KSR1: variants seen among roughly 807,000 people sequenced by gnomAD.
KSR1 encodes the protein kinase suppressor of ras 1.
In KSR1, 35 loss-of-function variants were observed where a neutral mutation model predicts 92.9. The ratio of observed to expected loss-of-function variants is 0.38; its 90% CI spans 0.29 to 0.50. KSR1 has a LOEUF of 0.50. Among genes scored for constraint, KSR1 ranks in the 20% least tolerant of loss-of-function variants. The probability of loss-of-function intolerance (pLI) is 0.94; values close to 1 mark genes in which losing one functional copy is unlikely to be tolerated. For missense variants in KSR1, 972 were observed against 1,158.5 expected, an observed-to-expected ratio of 0.84 and a Z score of 2.34; for synonymous variants, 467 against 472.6, an observed-to-expected ratio of 0.99 and a Z score of 0.15.
At chr17:27,604,598 A>G in intron 12 of KSR1, 82 bp from the exon 13 acceptor site, 1 of 1,381,698 alleles carries the variant, frequency 7.2e-7, no homozygotes. Flanking sequence ...CCTTTGTCTC[A>G]GATCTCTCCC....
intron 10 of KSR1, among the ~76,000 whole-genome samples, chr17:27,598,609 T>G (rs1361912423): frequency 6.6e-6 from 1 of 152,226 alleles, no homozygotes; most frequent in African/African-American, 2.4e-5. Context: ...CCTCTCCCAT[T>G]CTGCTCTGTC....
chr17:27,540,583 G>A (rs1319392774), intron 1 of KSR1, among the ~76,000 whole-genome samples: 1 of 152,226 alleles, frequency 6.6e-6, no homozygotes, highest in Non-Finnish European at 1.5e-5. Context: ...GTGCGGGTAT[G>A]GGCCGGGCCG....
At chr17:27,502,453 A>G (rs1005256744) in intron 1 of KSR1, among the ~76,000 whole-genome samples, 4 of 152,184 alleles carry the variant, frequency 2.6e-5, no homozygotes, top group Non-Finnish European at 5.9e-5. Context: ...ATGTCTTAAA[A>G]TATGACATTT....
In KSR1 at chr17:27,577,521, C is replaced by T; in HGVS notation, c.402C>T (p.Ala134=). 4.4e-6 allele frequency: 7 copies of T among 1,599,200 alleles called. No individual in the cohort carries two copies. The highest frequency in any genetic ancestry group is 6.0e-6 in the Non-Finnish European group (7 of 1,175,670). The change falls in exon 3 of 21, where the codon GCC becomes GCT. Residue 134 remains alanine, a synonymous_variant. Coordinates refer to ENST00000644974, the MANE Select transcript of KSR1 (RefSeq NM_001394583.1). This position sits in a 1 kb window ranked among gnomAD's most constrained non-coding sequence, Gnocchi z 4.5. The part of the protein sequence containing the change: ...QEIPRDLTLD[A]LLEMNEAKVK... ...TCCCCCGAGACCTCACGCTGGATGCCCTGCTGGAGATGAATGAGGCCAAGG... is the reference window on the plus strand; with the variant it reads ...TCCCCCGAGACCTCACGCTGGATGCTCTGCTGGAGATGAATGAGGCCAAGG...
intron 1 of KSR1, among the ~76,000 whole-genome samples, chr17:27,549,243 G>T (rs76288847): frequency 3.9e-5 from 6 of 152,198 alleles, no homozygotes; most frequent in African/African-American, 1.2e-4. Context: ...ATTTTGGGGG[G>T]ACACTTGGAA....
chr17:27,592,315 C>T (rs1275449419), intron 7 of KSR1, 46 bp from the exon 8 acceptor site: 2 of 1,513,258 alleles, frequency 1.3e-6, no homozygotes, highest in Non-Finnish European at 1.8e-6. Context: ...TGTGCCTGAG[C>T]CCCCCCATGT....
intron 2 of KSR1, among the ~76,000 whole-genome samples, chr17:27,568,182 C>T (rs894514792): frequency 1.3e-5 from 2 of 152,226 alleles, no homozygotes; most frequent in African/African-American, 4.8e-5. Flanking sequence ...CCTAGTTGGA[C>T]CCCCATGGGG....
intron 1 of KSR1, among the ~76,000 whole-genome samples, chr17:27,466,237 G>A (rs2019688151): frequency 6.6e-6 from 1 of 152,196 alleles, no homozygotes; most frequent in African/African-American, 2.4e-5. Context: ...TAAGTTTTAG[G>A]TTTTTATGAA....
intron 10 of KSR1, among the ~76,000 whole-genome samples, chr17:27,600,611 G>A (rs960678617): frequency 3.3e-5 from 5 of 152,010 alleles, no homozygotes; most frequent in South Asian, 2.1e-4. Context: ...ATTATTTCCC[G>A]CCAGCGTCAC....
At chr17:27,564,138 G>A (rs961255902) in intron 2 of KSR1, among the ~76,000 whole-genome samples, 14 of 151,940 alleles carry the variant, frequency 9.2e-5, no homozygotes, top group African/African-American at 2.9e-4. Context: ...ACAGATACCC[G>A]TCACCACACC....
At chr17:27,489,465 G>A (rs1392073737) in intron 1 of KSR1, among the ~76,000 whole-genome samples, 2 of 152,248 alleles carry the variant, frequency 1.3e-5, no homozygotes, top group African/African-American at 4.8e-5. Flanking sequence ...TTCTTTGCTT[G>A]CTCCATCTGC....
chr17:27,507,843 G>T (rs902052429), intron 1 of KSR1, among the ~76,000 whole-genome samples: 1 of 152,078 alleles, frequency 6.6e-6, no homozygotes, highest in Admixed American at 6.5e-5. Context: ...CCAAAGTGCT[G>T]GGATTACAGG....
At position 27,617,349 on chromosome 17, in the gene KSR1, C is replaced by T. The variant is rs779588001; in HGVS notation, c.2548C>T (p.Leu850=). Residue 850 remains leucine (L), a synonymous_variant, in exon 19 of 21, where the codon CTG becomes TTG. Transcript: ENST00000644974. The part of the protein sequence containing the change: ...FDLQERPSFS[L]LMDMLEKLPK... ...CCTGCAGGAGAGACCCAGCTTCAGCCTGCTGATGGACATGCTGGAGAAACT... is the reference window on the plus strand; with the variant it reads ...CCTGCAGGAGAGACCCAGCTTCAGCTTGCTGATGGACATGCTGGAGAAACT... The T allele has an allele frequency of 3.7e-6, 6 of 1,612,786 alleles. No homozygotes were observed. The South Asian group carries it at 5.5e-5, about 15-fold the overall frequency.
chr17:27,467,965 T>C (rs1254835274), intron 1 of KSR1, among the ~76,000 whole-genome samples: 3 of 151,736 alleles, frequency 2.0e-5, no homozygotes, highest in Non-Finnish European at 4.4e-5. Flanking sequence ...GTGCCTGCCA[T>C]TATGCCCGGC....
chr17:27,495,772 C>T (rs1052841713), intron 1 of KSR1, among the ~76,000 whole-genome samples: 3 of 152,214 alleles, frequency 2.0e-5, no homozygotes, highest in African/African-American at 4.8e-5. Flanking sequence ...GGTCTACAGT[C>T]AGTTCAGTTT....
chr17:27,599,039 G>A (rs1183591793), intron 10 of KSR1, among the ~76,000 whole-genome samples: 4 of 152,242 alleles, frequency 2.6e-5, no homozygotes, highest in African/African-American at 7.2e-5. Flanking sequence ...GAGAGATTCC[G>A]TGATTTCATT....
chr17:27,503,264 G>A (rs1024031486), intron 1 of KSR1, among the ~76,000 whole-genome samples: 2 of 152,164 alleles, frequency 1.3e-5, no homozygotes, highest in Non-Finnish European at 1.5e-5. Flanking sequence ...GACATTTTTG[G>A]TTGTCACAAT....
rs184759320 is a variant in KSR1 at position 27,468,891 on chromosome 17, C to A, written c.231+12017C>A. Among the ~76,000 whole-genome samples, 188 of 152,306 alleles carry A rather than the reference C, an allele frequency of 1.2e-3. 1 individual carries two copies. The Middle Eastern group carries it at 0.024, about 19-fold the overall frequency. On this transcript the variant is annotated intron_variant, in intron 1 of 20. Transcript: ENST00000644974. ...ACTGAGATGAGAGTTTTTAACGAAG[C>A]AGGGCCCCCAGACCCAGCGGAATCC...
At chr17:27,618,985 T>C (rs1002780307) in intron 19 of KSR1, among the ~76,000 whole-genome samples, 5 of 152,150 alleles carry the variant, frequency 3.3e-5, no homozygotes, top group African/African-American at 1.2e-4. Context: ...CGTGAGCCAC[T>C]GCGCCCGGCC....
Sources: allele counts gnomAD v4.1 joint callset (sites outside exome capture counted in the v4.1 genomes callset), GRCh38; gene constraint gnomAD v4.1.1; non-coding constraint Gnocchi (gnomAD v3.1); transcripts MANE v1.5; gene names NCBI Gene and HGNC (gene_info 2026-07-23, HGNC 2026-07-21).